Variants in MCF2L2 observed in about 807,000 individuals in gnomAD.
MCF2L2 encodes probable guanine nucleotide exchange factor MCF2L2.
Under a neutral mutation model 150.2 loss-of-function variants are expected in MCF2L2, and 102 were observed. The observed-to-expected ratio is 0.68, with a 90% CI of 0.58 to 0.80. The LOEUF (loss-of-function observed/expected upper bound fraction) is 0.80, where lower values mean the gene tolerates loss of function less well. Ranked by LOEUF, MCF2L2 falls within the 30% of genes least tolerant of loss-of-function variation. The probability of loss-of-function intolerance (pLI) is 0.00; values close to 1 mark genes in which losing one functional copy is unlikely to be tolerated. For missense variants in MCF2L2, 1,256 were observed against 1,372.8 expected (o/e 0.91, Z 1.34); for synonymous variants, 465 against 491.3 (o/e 0.95, Z 0.71).
chr3:183,273,890 GGATGTT>G (rs1726997577), intron 15 of MCF2L2, among the ~76,000 whole-genome samples: 1 of 151,992 alleles, frequency 6.6e-6, no homozygotes, highest in Admixed American at 6.6e-5. Flanking sequence ...GTATAACCTG[GGATGTT>G]TGCACATCGA....
intron 1 of MCF2L2, among the ~76,000 whole-genome samples, chr3:183,392,345 T>TA (rs1275015888): frequency 1.3e-5 from 2 of 152,146 alleles, no homozygotes; most frequent in Admixed American, 6.5e-5. Context: ...CCACGCGTGA[T>TA]AGAGTTCCCA....
intron 3 of MCF2L2, among the ~76,000 whole-genome samples, chr3:183,341,975 G>A (rs1509006): frequency 0.26 from 38,906 of 152,034 alleles, 7,180 homozygotes; most frequent in African/African-American, 0.52. Context: ...CCATCCTTCC[G>A]CTCCCAAAGC....
At chr3:183,382,199 C>CA (rs1402850005) in intron 2 of MCF2L2, among the ~76,000 whole-genome samples, 1 of 152,106 alleles carries the variant, frequency 6.6e-6, no homozygotes, top group Non-Finnish European at 1.5e-5. Flanking sequence ...GCTGGGATTA[C>CA]AGGCACATGC....
At chr3:183,207,927 G>T in intron 22 of MCF2L2, 104 bp from the exon 23 acceptor site, 1 of 863,554 alleles carries the variant, frequency 1.2e-6, no homozygotes, top group Non-Finnish European at 1.8e-6. Context: ...CTTCTTTGAG[G>T]TTTACAATTC....
At chr3:183,204,298 A>G (rs1722397476) in intron 25 of MCF2L2, among the ~76,000 whole-genome samples, 1 of 152,184 alleles carries the variant, frequency 6.6e-6, no homozygotes, top group Admixed American at 6.5e-5. Flanking sequence ...CCATAAAATG[A>G]CAAGCCAATT....
At chr3:183,259,148 A>G (rs1331277946) in intron 15 of MCF2L2, among the ~76,000 whole-genome samples, 1 of 152,216 alleles carries the variant, frequency 6.6e-6, no homozygotes, top group Non-Finnish European at 1.5e-5. Context: ...AAGCCCACCC[A>G]ACATAATGCA....
chr3:183,398,805 A>G (rs1197612957), intron 1 of MCF2L2, among the ~76,000 whole-genome samples: 1 of 152,186 alleles, frequency 6.6e-6, no homozygotes, highest in Admixed American at 6.5e-5. Context: ...ATACTCACAA[A>G]ACTTACATTA....
chr3:183,411,466 G>T (rs1158291830), intron 1 of MCF2L2, among the ~76,000 whole-genome samples: 2 of 152,184 alleles, frequency 1.3e-5, no homozygotes, highest in Non-Finnish European at 2.9e-5. Flanking sequence ...GAGCCAATGT[G>T]ATAACAGCCT....
chr3:183,364,381 A>T (rs577129922), intron 3 of MCF2L2, among the ~76,000 whole-genome samples: 3 of 152,096 alleles, frequency 2.0e-5, no homozygotes, highest in African/African-American at 4.8e-5. Flanking sequence ...TTAGCTGGGC[A>T]TGGTGGTGGG....
intron 3 of MCF2L2, among the ~76,000 whole-genome samples, chr3:183,366,658 T>A (rs1712540847): frequency 6.6e-6 from 1 of 151,820 alleles, no homozygotes; most frequent in Admixed American, 6.6e-5. Context: ...AAAAAAAAAA[T>A]TATTTACCAT....
At chr3:183,282,169 A>ATTTATTTTATTTTATTTTAT (rs569890962) in intron 14 of MCF2L2, among the ~76,000 whole-genome samples, 12 of 150,290 alleles carry the variant, frequency 8.0e-5, no homozygotes, top group African/African-American at 2.9e-4. Flanking sequence ...TATTATTATT[A>ATTTATTTTATTTTATTTTAT]TTTATTTTAT....
intron 3 of MCF2L2, among the ~76,000 whole-genome samples, chr3:183,352,156 T>C (rs1376486089): frequency 6.6e-6 from 1 of 152,216 alleles, no homozygotes; most frequent in Non-Finnish European, 1.5e-5. Context: ...GCTATTTTCT[T>C]CAATGCCTCA....
chr3:183,391,621 G>A (rs977399099), intron 1 of MCF2L2, among the ~76,000 whole-genome samples: 1 of 152,156 alleles, frequency 6.6e-6, no homozygotes, highest in African/African-American at 2.4e-5. Context: ...TGGAAGTGGG[G>A]GGTAGATGAA....
chr3:183,395,987 C>A lies in MCF2L2; in HGVS notation c.77-6208G>T, dbSNP rs369062352. 6.0e-5 allele frequency among the ~76,000 whole-genome samples: 9 copies of A among 149,858 alleles called. No individual in the cohort carries two copies. In the East Asian group the frequency reaches 1.8e-3, roughly 29 times the overall value. ...ATGGAATATTCCCCTCCCCCCACCTCCAGAAAGTTCCTCGTGGCACCGCCT... is the reference window on the plus strand; with the variant it reads ...ATGGAATATTCCCCTCCCCCCACCTACAGAAAGTTCCTCGTGGCACCGCCT... On this transcript the variant is annotated intron_variant, in intron 1 of 29. Transcript: ENST00000328913.
Position 183,334,614 on chromosome 3 carries a change from C to T in MCF2L2, c.486+4186G>A, listed in dbSNP as rs963503286. 4.0e-5 allele frequency among the ~76,000 whole-genome samples: 6 copies of T among 150,216 alleles called. 1 individual carries two copies. Among genetic ancestry groups the T allele is most frequent in the Admixed American group, 2.7e-4 (4 of 15,008 alleles). ...ACCAGCCTGGCCAACATGGTGAAAC[C>T]CTGTCTCTACTAAAAAAAAAATACA... is the stretch of plus-strand genomic sequence containing the variant. On this transcript the variant is annotated intron_variant, in intron 5 of 29. Transcript: ENST00000328913.
intron 1 of MCF2L2, among the ~76,000 whole-genome samples, chr3:183,419,380 C>T (rs1181110580): frequency 6.6e-6 from 1 of 152,214 alleles, no homozygotes; most frequent in Non-Finnish European, 1.5e-5. Context: ...TAACATTCAG[C>T]TCCTTATTAC....
intron 3 of MCF2L2, among the ~76,000 whole-genome samples, chr3:183,346,712 G>A (rs1451039119): frequency 1.3e-5 from 2 of 152,182 alleles, no homozygotes; most frequent in African/African-American, 4.8e-5. Context: ...CTTCAGCAAA[G>A]TCTCAGGATA....
intron 1 of MCF2L2, among the ~76,000 whole-genome samples, chr3:183,395,657 G>A (rs1287008873): frequency 3.3e-5 from 5 of 152,042 alleles, no homozygotes; most frequent in African/African-American, 1.2e-4. Flanking sequence ...AGTGGCTCAT[G>A]CCTGTAATCC....
intron 11 of MCF2L2, chr3:183,299,804 T>C: frequency 1.8e-6 from 1 of 544,410 alleles, no homozygotes; most frequent in Non-Finnish European, 3.2e-6. Context: ...TGTGGTGGGA[T>C]GGCCAGAGCA....
Sources: gnomAD v4.1 joint callset for allele counts (sites outside exome capture counted in the v4.1 genomes callset) on GRCh38, gnomAD v4.1.1 for gene constraint, MANE v1.5 for transcripts, NCBI Gene and HGNC (gene_info 2026-07-23, HGNC 2026-07-21) for gene names.